The following RFC1 variants were observed in gnomAD, a reference collection of about 807,000 sequenced individuals.
RFC1 encodes A1 140 kDa subunit.
RFC1 carries 37 observed loss-of-function variants against 137.4 expected under a neutral mutation model. That is an observed-to-expected ratio of 0.27 (90% CI 0.21 to 0.35). The LOEUF is 0.35. Ranked by LOEUF, RFC1 falls within the 10% of genes least tolerant of loss-of-function variation. RFC1 has a pLI of 1.00. For synonymous variants in RFC1, 429 were observed against 455.7 expected, an observed-to-expected ratio of 0.94 and a Z score of 0.75; for missense variants, 1,205 against 1,358.5, an observed-to-expected ratio of 0.89 and a Z score of 1.78.
At position 39,363,868 on chromosome 4, in the gene RFC1, G is replaced by A. The variant is rs575483217; in HGVS notation, c.3+2371C>T. On this transcript the variant is annotated intron_variant, in intron 1 of 24. Coordinates refer to ENST00000349703, the MANE Select transcript of RFC1 (RefSeq NM_002913.5). ...GACTGCACACTGCACTCCAGCCTGG[G>A]CAAAACAGCAAGACTCTCAAAAAAA... 1.1e-3 allele frequency among the ~76,000 whole-genome samples: 154 copies of A among 139,054 alleles called. 1 individual carries two copies. Among genetic ancestry groups the A allele is most frequent in the African/African-American group, 4.0e-3 (149 of 37,190 alleles). 91.2% of individuals were successfully genotyped at this position (139,054 alleles called of 152,430 possible). A position where few individuals can be genotyped will look rare whatever the true frequency, so the allele number is the denominator to read the frequency against.
At chr4:39,327,995 G>A (rs1359871669) in intron 4 of RFC1, among the ~76,000 whole-genome samples, 1 of 152,060 alleles carries the variant, frequency 6.6e-6, no homozygotes, top group African/African-American at 2.4e-5. Context: ...AATTAGCCAG[G>A]CATGGTGGTA....
chr4:39,315,776 G>A (rs561931578), intron 10 of RFC1, among the ~76,000 whole-genome samples: 3 of 151,936 alleles, frequency 2.0e-5, no homozygotes, highest in Non-Finnish European at 4.4e-5. Context: ...TCCACTTTTC[G>A]ACATTTTCAC....
chr4:39,362,777 T>G (rs1212627316), intron 1 of RFC1, among the ~76,000 whole-genome samples: 1 of 152,136 alleles, frequency 6.6e-6, no homozygotes, highest in Non-Finnish European at 1.5e-5. Context: ...AGGAAGACTA[T>G]TTCAAAGAAA....
intron 1 of RFC1, among the ~76,000 whole-genome samples, chr4:39,365,163 A>AAAC (rs1355263379): frequency 6.6e-6 from 1 of 150,814 alleles, no homozygotes; most frequent in Non-Finnish European, 1.5e-5. Flanking sequence ...GAAAAAAAAA[A>AAAC]AAAAAAAAAA....
chr4:39,360,518 TTAAAATAAAA>T (rs59665003), intron 1 of RFC1, among the ~76,000 whole-genome samples: 76,455 of 146,102 alleles, frequency 0.52, 20,211 homozygotes, highest in Non-Finnish European at 0.56. Context: ...CAAAATAAAA[TTAAAATAAAA>T]TAAAATAAAA....
intron 3 of RFC1, among the ~76,000 whole-genome samples, chr4:39,344,130 T>C (rs79844477): frequency 6.6e-6 from 1 of 151,176 alleles, no homozygotes; most frequent in African/African-American, 2.4e-5. Flanking sequence ...AAAAAAAAAT[T>C]CACACCAGAT....
At position 39,366,312 on chromosome 4, in the gene RFC1, G is replaced by A. The variant is rs1742029084; in HGVS notation, c.-71C>T. On this transcript the variant is annotated 5_prime_UTR_variant, in exon 1 of 25. Coordinates refer to ENST00000349703, the MANE Select transcript of RFC1 (RefSeq NM_002913.5). The stretch of plus-strand genomic sequence containing the variant: ...TTGAGGAATCTGTTATCGAGGCTCA[G>A]GATCCATTCGCGCCAACAACTTCTC... The A allele has an allele frequency of 1.4e-6, 2 of 1,442,832 alleles. No individual in the cohort carries two copies. The highest frequency in any genetic ancestry group is 1.8e-6 in the Non-Finnish European group (2 of 1,091,092). 89.4% of individuals were successfully genotyped at this position (1,442,832 alleles called of 1,614,324 possible).
At chr4:39,358,681 C>A (rs1013938999) in intron 1 of RFC1, among the ~76,000 whole-genome samples, 1 of 152,154 alleles carries the variant, frequency 6.6e-6, no homozygotes, top group African/African-American at 2.4e-5. Context: ...ACTAATCATG[C>A]CAATTGTTTT....
chr4:39,288,880 G>C, intron 24 of RFC1, 36 bp from the exon 25 acceptor site: 1 of 1,211,356 alleles, frequency 8.3e-7, no homozygotes, highest in Non-Finnish European at 1.2e-6. Context: ...GTTAATAGCT[G>C]TGTTTATGAG....
chr4:39,311,326 T>C (rs1738950083), intron 12 of RFC1, 119 bp downstream of exon 12: 1 of 739,520 alleles, frequency 1.4e-6, no homozygotes, highest in Non-Finnish European at 2.2e-6. Context: ...GGTGGTCCAT[T>C]TGTGGTAGAC....
chr4:39,290,769 C>T (rs868816455), intron 23 of RFC1, among the ~76,000 whole-genome samples: 4 of 150,074 alleles, frequency 2.7e-5, no homozygotes, highest in East Asian at 2.0e-4. Flanking sequence ...GAGCCGAGAT[C>T]GCACCACTGC....
intron 17 of RFC1, 32 bp downstream of exon 17, chr4:39,302,705 G>C: frequency 6.5e-7 from 1 of 1,548,174 alleles, no homozygotes; most frequent in Non-Finnish European, 8.7e-7. Flanking sequence ...AAATAGGCTA[G>C]TGTGATGGAA....
intron 2 of RFC1, among the ~76,000 whole-genome samples, chr4:39,348,424 A>AAAAAGAAGAGAAGAG (rs1740977315): frequency 1.4e-5 from 1 of 71,780 alleles, no homozygotes; most frequent in Non-Finnish European, 3.0e-5. Context: ...CTCTGTTTCA[A>AAAAAGAAGAGAAGAG]AAAAGAAAAG....
chr4:39,313,302 G>A (rs1482316153), intron 10 of RFC1, among the ~76,000 whole-genome samples: 1 of 152,140 alleles, frequency 6.6e-6, no homozygotes, highest in African/African-American at 2.4e-5. Flanking sequence ...AGAAACTCTT[G>A]CTATTCAGGA....
At chr4:39,348,751 A>G (rs988333155) in intron 2 of RFC1, among the ~76,000 whole-genome samples, 16 of 152,186 alleles carry the variant, frequency 1.1e-4, no homozygotes, top group African/African-American at 3.6e-4. Flanking sequence ...TCAACAGATG[A>G]GACAGCCACC....
chr4:39,332,734 T>C (rs1740162420), intron 4 of RFC1, among the ~76,000 whole-genome samples: 1 of 152,230 alleles, frequency 6.6e-6, no homozygotes, highest in Admixed American at 6.5e-5. Flanking sequence ...GCCTCTGAAG[T>C]CTGCCCTTAT....
chr4:39,365,977 A>G (rs1050648177), intron 1 of RFC1, among the ~76,000 whole-genome samples: 2 of 152,102 alleles, frequency 1.3e-5, no homozygotes, highest in Admixed American at 1.3e-4. Flanking sequence ...CCCTTCCCCC[A>G]AGAGTGGGGG....
rs1428548985 is a variant in RFC1 at position 39,311,437 on chromosome 4, A to T, written c.1488+8T>A. On this transcript the variant is annotated splice_region_variant and intron_variant, in intron 12 of 24. Transcript: ENST00000349703. ...CACCAACTTAAATCACATTCATTTT[A>T]TACGAACCTCAGTTTCAACTGCTAT... 7.5e-6 allele frequency: 12 copies of T among 1,608,508 alleles called. No homozygotes were observed. Among genetic ancestry groups the T allele is most frequent in the Non-Finnish European group, 1.0e-5 (12 of 1,175,282 alleles).
intron 13 of RFC1, chr4:39,307,340 C>G (rs1334455671): frequency 2.0e-5 from 3 of 153,374 alleles, no homozygotes; most frequent in Non-Finnish European, 4.4e-5. Flanking sequence ...TCAACTCATA[C>G]TCAATAACTG....
Sources: gnomAD v4.1 joint callset for allele counts (sites outside exome capture counted in the v4.1 genomes callset) on GRCh38, gnomAD v4.1.1 for gene constraint, MANE v1.5 for transcripts, NCBI Gene and HGNC (gene_info 2026-07-23, HGNC 2026-07-21) for gene names.